Variants in CCL11 observed in about 807,000 individuals in gnomAD.
The protein encoded by CCL11 is eotaxin.
A neutral mutation model predicts 7.3 loss-of-function variants in CCL11; 7 were observed. The observed-to-expected ratio is 0.96, with a 90% CI of 0.55 to 1.81. The LOEUF (loss-of-function observed/expected upper bound fraction) is 1.81, where lower values mean the gene tolerates loss of function less well. Among genes scored for constraint, CCL11 ranks in the 40% most tolerant of loss-of-function variants. The pLI is 0.00. For synonymous variants in CCL11, 66 were observed against 45.2 expected (o/e 1.46, Z -1.84); for missense variants, 132 against 114.2 (o/e 1.16, Z -0.71).
In CCL11 at chr17:34,285,799, A is replaced by G. The variant is rs2142211138; in HGVS notation, c.-10A>G. Reference sequence around the variant, plus strand: ...CTCTCACGCCAAAGCTCACACCTTCAGCCTCCAACATGAAGGTCTCCGCAG... The same window carrying G: ...CTCTCACGCCAAAGCTCACACCTTCGGCCTCCAACATGAAGGTCTCCGCAG... On this transcript the variant is annotated 5_prime_UTR_variant, in exon 1 of 3. Coordinates refer to ENST00000305869, the MANE Select transcript of CCL11 (RefSeq NM_002986.3). The G allele has an allele frequency of 1.2e-6, 2 of 1,609,474 alleles. No homozygotes were observed. The highest frequency in any genetic ancestry group is 1.7e-6 in the Non-Finnish European group (2 of 1,177,462).
intron 2 of CCL11, 117 bp from the exon 3 acceptor site, chr17:34,287,468 C>G: frequency 1.4e-6 from 1 of 737,640 alleles, no homozygotes; most frequent in Admixed American, 2.3e-5. Context: ...GAGTCTCATC[C>G]TTCCTCCTCT....
intron 2 of CCL11, 71 bp from the exon 3 acceptor site, chr17:34,287,514 T>C (rs1432148067): frequency 5.4e-6 from 6 of 1,114,282 alleles, no homozygotes; most frequent in Middle Eastern, 2.0e-4. Flanking sequence ...AGATGGTCCT[T>C]AAATATTTAG....
intron 1 of CCL11, 45 bp from the exon 2 acceptor site, chr17:34,287,051 G>A (rs201590633): frequency 5.5e-6 from 7 of 1,282,766 alleles, no homozygotes; most frequent in Non-Finnish European, 8.0e-6. Flanking sequence ...GTATCATCAT[G>A]TGGCTCATTT....
In CCL11 at chr17:34,287,212, G is replaced by A. The variant is rs1908660702; in HGVS notation, c.188+5G>A. The A allele has an allele frequency of 3.1e-6, 5 of 1,597,892 alleles. No homozygotes were observed. The highest frequency in any genetic ancestry group is 4.3e-6 in the Non-Finnish European group (5 of 1,165,304). ...ATGTCCCCAGAAAGCTGTGATGTAA[G>A]TAAATAAAGTTCACCCTCCCCTAGA... On this transcript the variant is annotated splice_donor_5th_base_variant and intron_variant, in intron 2 of 2. Coordinates refer to ENST00000305869, the MANE Select transcript of CCL11 (RefSeq NM_002986.3).
intron 2 of CCL11, 137 bp downstream of exon 2, chr17:34,287,344 A>C (rs1908664701): frequency 1.5e-6 from 1 of 688,400 alleles, no homozygotes. Flanking sequence ...AATTTTCACA[A>C]GTGAGTGTTC....
At chr17:34,285,905 C>T (rs2142211293) in intron 1 of CCL11, 21 bp downstream of exon 1, 1 of 1,577,916 alleles carries the variant, frequency 6.3e-7, no homozygotes, top group East Asian at 2.3e-5. Flanking sequence ...CAACTCCTTA[C>T]AGGAAAGGTA....
chr17:34,287,084 C>T lies in CCL11; in HGVS notation c.77-12C>T. ...TTTTTTTCTCTGTTCATTTTTTTTC[C>T]CCAAAATTCAGCTTCTGTCCCAACC... On this transcript the variant is annotated splice_polypyrimidine_tract_variant and intron_variant, in intron 1 of 2. Coordinates refer to ENST00000305869, the MANE Select transcript of CCL11 (RefSeq NM_002986.3). 1.3e-6 allele frequency: 2 copies of T among 1,589,684 alleles called. No individual in the cohort carries two copies. The highest frequency in any genetic ancestry group is 1.7e-6 in the Non-Finnish European group (2 of 1,161,252).
At chr17:34,287,044 T>A in intron 1 of CCL11, 52 bp from the exon 2 acceptor site, 1 of 1,203,994 alleles carries the variant, frequency 8.3e-7, no homozygotes, top group Non-Finnish European at 1.2e-6. Flanking sequence ...TGTCTATGTA[T>A]CATCATGTGG....
Position 34,287,162 on chromosome 17 carries a change from G to A in CCL11, c.143G>A (p.Ser48Asn). The change falls in exon 2 of 3, where the codon AGC (serine) becomes AAC (asparagine). Residue 48 changes from serine (S) to asparagine (N), a missense_variant. By Grantham distance (46) the Ser-to-Asn change is conservative. Transcript: ENST00000305869. ...NRKIPLQRLE[S>N]YRRITSGKCP... ...AAGATACCCCTTCAGCGACTAGAGA[G>A]CTACAGGAGAATCACCAGTGGCAAA... 6.2e-7 allele frequency: 1 copy of A among 1,614,004 alleles called. No individual in the cohort carries two copies. The highest frequency in any genetic ancestry group is 8.5e-7 in the Non-Finnish European group (1 of 1,179,928).
intron 1 of CCL11, among the ~76,000 whole-genome samples, chr17:34,286,312 T>C (rs1447895694): frequency 6.6e-6 from 1 of 152,198 alleles, no homozygotes; most frequent in African/African-American, 2.4e-5. Context: ...AGGTGACTTA[T>C]TTTGACACTC....
chr17:34,287,018 A>C (rs1431296306), intron 1 of CCL11, 78 bp from the exon 2 acceptor site: 1 of 965,624 alleles, frequency 1.0e-6, no homozygotes, highest in Non-Finnish European at 1.7e-6. Context: ...TTCCTTTACA[A>C]AGTCATGCTT....
chr17:34,287,813 T>TAC lies in CCL11; in HGVS notation c.*124_*125insCA. 3.2e-6 allele frequency: 1 copy of TAC among 311,620 alleles called. No individual in the cohort carries two copies. The highest frequency in any genetic ancestry group is 5.4e-6 in the Non-Finnish European group (1 of 185,856). 19.3% of individuals were successfully genotyped at this position (311,620 alleles called of 1,614,324 possible). On this transcript the variant is annotated 3_prime_UTR_variant, in exon 3 of 3. Transcript: ENST00000305869. ...AAGGGCATGGGTTTTATTATATATA[T>TAC]ATATTTTTTTTTTTAAAAAAAAAAC...
At position 34,287,629 on chromosome 17, in the gene CCL11, A is replaced by G; in HGVS notation, c.233A>G (p.Lys78Arg). 6.2e-7 allele frequency: 1 copy of G among 1,614,052 alleles called. No individual in the cohort carries two copies. The highest frequency in any genetic ancestry group is 8.5e-7 in the Non-Finnish European group (1 of 1,179,992). Residue 78 changes from lysine to arginine, a missense_variant, in exon 3 of 3, where the codon AAG becomes AGG. By Grantham distance (26) the Lys-to-Arg change is conservative. Transcript: ENST00000305869. ...LAKDICADPK[K>R]KWVQDSMKYL... Reference sequence around the variant, plus strand: ...AAGGATATCTGTGCCGACCCCAAGAAGAAGTGGGTGCAGGATTCCATGAAG... The same window carrying G: ...AAGGATATCTGTGCCGACCCCAAGAGGAAGTGGGTGCAGGATTCCATGAAG...
chr17:34,286,997 T>A, intron 1 of CCL11, 99 bp from the exon 2 acceptor site: 1 of 809,166 alleles, frequency 1.2e-6, no homozygotes, highest in Non-Finnish European at 2.1e-6. Context: ...AATTCCTTGC[T>A]TTCTCCTAAC....
At chr17:34,286,031 T>C in intron 1 of CCL11, 147 bp downstream of exon 1, 1 of 597,914 alleles carries the variant, frequency 1.7e-6, no homozygotes, top group Non-Finnish European at 2.9e-6. Flanking sequence ...TGCCTCAACC[T>C]CACATCCAGT....
rs551139066 is a variant in CCL11 at position 34,287,865 on chromosome 17, T to TA, written c.*179dup. 1.5e-4 allele frequency: 41 copies of TA among 281,196 alleles called. No individual in the cohort carries two copies. Among genetic ancestry groups the TA allele is most frequent in the African/African-American group, 8.5e-4 (39 of 45,690 alleles). The allele number at this position is 281,196 out of a possible 1,614,324, so 17.4% of individuals were successfully genotyped here. A position where few individuals can be genotyped will look rare whatever the true frequency, so the allele number is the denominator to read the frequency against. ...TATTGCATTTAATTTATTGAGGCTT[T>TA]AAAACTTATCCTCCATGAATATCAG... is the stretch of plus-strand genomic sequence containing the variant. On this transcript the variant is annotated 3_prime_UTR_variant, in exon 3 of 3. Coordinates refer to ENST00000305869, the MANE Select transcript of CCL11 (RefSeq NM_002986.3).
chr17:34,287,070 G>T (rs1385881122), intron 1 of CCL11, 26 bp from the exon 2 acceptor site: 2 of 1,503,504 alleles, frequency 1.3e-6, no homozygotes, highest in Non-Finnish European at 1.9e-6. Flanking sequence ...TTTTTTCTCT[G>T]TTCATTTTTT....
intron 1 of CCL11, 48 bp from the exon 2 acceptor site, chr17:34,287,048 C>A: frequency 8.1e-7 from 1 of 1,241,384 alleles, no homozygotes. Context: ...TATGTATCAT[C>A]ATGTGGCTCA....
In CCL11 at chr17:34,286,282, G is replaced by A. The variant is rs41490146; in HGVS notation, c.76+398G>A. ...GAGACAGTGGCTAAGAGAAGAACGAGGTCCCAGGGGGATCTCTTGAGGTGA... is the reference window on the plus strand; with the variant it reads ...GAGACAGTGGCTAAGAGAAGAACGAAGTCCCAGGGGGATCTCTTGAGGTGA... On this transcript the variant is annotated intron_variant, in intron 1 of 2. Transcript: ENST00000305869. Among the ~76,000 whole-genome samples the A allele has an allele frequency of 7.8e-3, 1,195 of 152,256 alleles. 20 individuals carry two copies. The highest frequency in any genetic ancestry group is 0.027 in the African/African-American group (1,116 of 41,554).
Sources: allele counts gnomAD v4.1 joint callset (sites outside exome capture counted in the v4.1 genomes callset), GRCh38; gene constraint gnomAD v4.1.1; transcripts MANE v1.5; gene names NCBI Gene and HGNC (gene_info 2026-07-23, HGNC 2026-07-21).